The following NDUFAF6 variants were observed in gnomAD, a reference collection of about 807,000 sequenced individuals.
NDUFAF6 encodes the protein NADH:ubiquinone oxidoreductase complex assembly factor 6, also known as NADH dehydrogenase (ubiquinone) complex I, assembly factor 6.
NDUFAF6 carries 45 observed loss-of-function variants against 40.8 expected under a neutral mutation model. The ratio of observed to expected loss-of-function variants is 1.10; its 90% confidence interval spans 0.87 to 1.42. The LOEUF is 1.42. NDUFAF6 is among the 40% of genes most tolerant of loss of function. The pLI, the probability that NDUFAF6 is intolerant of heterozygous loss-of-function variation, is 0.00. For missense variants in NDUFAF6, 435 were observed against 418.5 expected (o/e 1.04, Z -0.34); for synonymous variants, 185 against 155.9 (o/e 1.19, Z -1.39).
intron 1 of NDUFAF6, among the ~76,000 whole-genome samples, chr8:94,961,804 A>G (rs759766565): frequency 4.6e-5 from 7 of 152,210 alleles, no homozygotes; most frequent in Non-Finnish European, 7.3e-5. Context: ...GTACCAAGAA[A>G]TTGATTTGAA....
intron 1 of NDUFAF6, among the ~76,000 whole-genome samples, chr8:94,980,449 T>G (rs1189233095): frequency 4.0e-4 from 57 of 141,434 alleles, no homozygotes; most frequent in Middle Eastern, 3.5e-3. Context: ...TTTGTTTTTT[T>G]TTTTTTTTTT....
At chr8:94,914,332 A>C (rs1818985611) in intron 1 of NDUFAF6, among the ~76,000 whole-genome samples, 1 of 152,084 alleles carries the variant, frequency 6.6e-6, no homozygotes, top group Non-Finnish European at 1.5e-5. Context: ...ACTGCAGGGA[A>C]CTCATGCAGC....
intron 2 of NDUFAF6, among the ~76,000 whole-genome samples, chr8:94,993,925 G>T (rs1826303763): frequency 6.6e-6 from 1 of 152,170 alleles, no homozygotes; most frequent in South Asian, 2.1e-4. Context: ...AATACATGTT[G>T]AGGCAAATAG....
chr8:94,902,019 C>G (rs1818050003), intron 1 of NDUFAF6, among the ~76,000 whole-genome samples: 1 of 152,016 alleles, frequency 6.6e-6, no homozygotes, highest in Admixed American at 6.6e-5. Flanking sequence ...TCTATCCATC[C>G]ATCATTCCAT....
chr8:95,077,985 A>T (rs1808687070), downstream of NDUFAF6, among the ~76,000 whole-genome samples: 1 of 152,008 alleles, frequency 6.6e-6, no homozygotes, highest in East Asian at 1.9e-4. Context: ...CAGCAGCAGG[A>T]AAAGAAGCTG....
At chr8:95,100,955 C>T (rs1809630867) in intron 1 of NDUFAF6, among the ~76,000 whole-genome samples, 1 of 152,152 alleles carries the variant, frequency 6.6e-6, no homozygotes, top group Non-Finnish European at 1.5e-5. Flanking sequence ...TGCCTCCTAG[C>T]TTAATGTTCC....
chr8:95,001,562 C>T (rs1408261914), intron 2 of NDUFAF6, among the ~76,000 whole-genome samples: 6 of 152,158 alleles, frequency 3.9e-5, no homozygotes, highest in Non-Finnish European at 8.8e-5. Flanking sequence ...GGACATTGAA[C>T]AATGCCATTA....
chr8:94,944,248 C>T (rs924463855), intron 1 of NDUFAF6, among the ~76,000 whole-genome samples: 5 of 152,180 alleles, frequency 3.3e-5, no homozygotes, highest in Admixed American at 2.6e-4. Flanking sequence ...TTGTCCTGAA[C>T]GAATGCCTTG....
At chr8:95,092,969 C>T (rs1290100072) in intron 2 of NDUFAF6, among the ~76,000 whole-genome samples, 1 of 152,222 alleles carries the variant, frequency 6.6e-6, no homozygotes, top group African/African-American at 2.4e-5. Context: ...GGTTTCTCTA[C>T]TGATCGGCAA....
chr8:95,091,076 C>G (rs1809234573), intron 2 of NDUFAF6, among the ~76,000 whole-genome samples: 1 of 148,810 alleles, frequency 6.7e-6, no homozygotes. Flanking sequence ...CCTATATATC[C>G]TATTCTGTCC....
At chr8:95,036,066 G>A (rs778110861) in intron 3 of NDUFAF6, among the ~76,000 whole-genome samples, 7 of 152,156 alleles carry the variant, frequency 4.6e-5, no homozygotes, top group Non-Finnish European at 7.3e-5. Flanking sequence ...GCCTTGTCTA[G>A]TTTGATAGAA....
At chr8:95,003,953 G>A (rs1440323536) in intron 2 of NDUFAF6, among the ~76,000 whole-genome samples, 4 of 152,192 alleles carry the variant, frequency 2.6e-5, no homozygotes, top group Non-Finnish European at 5.9e-5. Context: ...AAGGAAAGGA[G>A]GAGCTCTGTT....
chr8:95,005,600 T>G (rs1826944466), intron 2 of NDUFAF6, among the ~76,000 whole-genome samples: 1 of 147,440 alleles, frequency 6.8e-6, no homozygotes, highest in Non-Finnish European at 1.5e-5. Context: ...ATTATTTTTA[T>G]TATTATAAGC....
chr8:95,081,693 T>C (rs148420764), intron 2 of NDUFAF6, among the ~76,000 whole-genome samples: 66 of 152,276 alleles, frequency 4.3e-4, no homozygotes, highest in African/African-American at 1.5e-3. Context: ...GAGAGTCTAG[T>C]AAAAAGAAAA....
At chr8:94,982,029 A>T (rs903215809) in intron 2 of NDUFAF6, among the ~76,000 whole-genome samples, 2 of 152,090 alleles carry the variant, frequency 1.3e-5, no homozygotes, top group African/African-American at 4.8e-5. Flanking sequence ...GGAGATTGAG[A>T]CCATCCTGGC....
rs573285326 is a variant in NDUFAF6 at position 94,910,556 on chromosome 8, T to A, written c.-936+14629T>A. On this transcript the variant is annotated intron_variant, in intron 1 of 14. Transcript: ENST00000396113. ...TGTAGACCCTAGCCCTACTGAGAGT[T>A]CACATTGCACAGAATCTAAAAGAAT... is the stretch of plus-strand genomic sequence containing the variant. 1.1e-4 allele frequency among the ~76,000 whole-genome samples: 16 copies of A among 152,290 alleles called. 1 individual carries two copies. The South Asian group carries it at 3.3e-3, about 32-fold the overall frequency.
At chr8:95,084,247 ATTT>A (rs1203529297) in intron 2 of NDUFAF6, among the ~76,000 whole-genome samples, 3 of 152,000 alleles carry the variant, frequency 2.0e-5, no homozygotes, top group Non-Finnish European at 2.9e-5. Flanking sequence ...CATTTAATGA[ATTT>A]TTAAGTCCCC....
intron 2 of NDUFAF6, among the ~76,000 whole-genome samples, chr8:94,994,996 A>G: frequency 6.6e-6 from 1 of 152,218 alleles, no homozygotes; most frequent in Admixed American, 6.5e-5. Context: ...TATATATCCA[A>G]AGGGATTCAA....
At chr8:94,935,165 A>ATAGG (rs1820856599) in intron 1 of NDUFAF6, among the ~76,000 whole-genome samples, 1 of 152,114 alleles carries the variant, frequency 6.6e-6, no homozygotes, top group South Asian at 2.1e-4. Flanking sequence ...AGATAGATAG[A>ATAGG]TAGATAGATA....
Sources: gnomAD v4.1 joint callset for allele counts (sites outside exome capture counted in the v4.1 genomes callset) on GRCh38, gnomAD v4.1.1 for gene constraint, MANE v1.5 for transcripts, NCBI Gene and HGNC (gene_info 2026-07-23, HGNC 2026-07-21) for gene names.